Variants in CACNA1B observed in about 807,000 individuals in gnomAD.
CACNA1B encodes the protein voltage-dependent N-type calcium channel subunit alpha-1B.
In CACNA1B, 70 loss-of-function variants were observed where a neutral mutation model predicts 247.2. The ratio of observed to expected loss-of-function variants is 0.28; its 90% CI spans 0.23 to 0.35. The LOEUF (loss-of-function observed/expected upper bound fraction) is 0.35. Among genes scored for constraint, CACNA1B ranks in the 10% least tolerant of loss-of-function variants. CACNA1B has a pLI of 1.00. For missense variants in CACNA1B, 2,367 were observed against 3,197.4 expected (o/e 0.74, Z 6.26); for synonymous variants, 1,231 against 1,294.4 (o/e 0.95, Z 1.05).
chr9:138,011,731 C>T lies in CACNA1B; in HGVS notation c.2161-1398C>T, dbSNP rs1349551076. Among the ~76,000 whole-genome samples, 1 of 152,156 alleles carries T rather than the reference C, an allele frequency of 6.6e-6. No homozygotes were observed. The highest frequency in any genetic ancestry group is 2.4e-5 in the African/African-American group (1 of 41,426). On this transcript the variant is annotated intron_variant, in intron 17 of 46. Transcript: ENST00000371372. This position sits in a 1 kb window ranked among gnomAD's most constrained non-coding sequence, Gnocchi z 4.2. ...CGCTGGGTCTGGCTTTGCCTCCTCTCTGGGCTTGAAGTTCGAAGGTCTCTC... is the reference window on the plus strand; with the variant it reads ...CGCTGGGTCTGGCTTTGCCTCCTCTTTGGGCTTGAAGTTCGAAGGTCTCTC...
intron 20 of CACNA1B, among the ~76,000 whole-genome samples, chr9:138,035,427 C>T (rs1959030390): frequency 6.6e-6 from 1 of 152,276 alleles, no homozygotes; most frequent in East Asian, 1.9e-4. Flanking sequence ...GATCGTGCCA[C>T]TGCACTTCAG....
Position 138,050,020 on chromosome 9 carries a change from G to T in CACNA1B, c.3710+705G>T. 3 of 1,271,248 alleles carry T rather than the reference G, an allele frequency of 2.4e-6. No individual in the cohort carries two copies. The highest frequency in any genetic ancestry group is 3.1e-6 in the Non-Finnish European group (3 of 971,920). 78.7% of individuals were successfully genotyped at this position (1,271,248 alleles called of 1,614,324 possible). ...ATCTCTCTGAGCGGCTGGGAGGGCTGCTCCTGGTGCCACTGACTCTGTTCT... is the reference window on the plus strand; with the variant it reads ...ATCTCTCTGAGCGGCTGGGAGGGCTTCTCCTGGTGCCACTGACTCTGTTCT... On this transcript the variant is annotated intron_variant, in intron 24 of 46. Coordinates refer to ENST00000371372, the MANE Select transcript of CACNA1B (RefSeq NM_000718.4). This position sits in a 1 kb window ranked among gnomAD's most constrained non-coding sequence, Gnocchi z 5.2.
chr9:137,984,395 T>A, intron 13 of CACNA1B, 145 bp downstream of exon 13: 2 of 670,050 alleles, frequency 3.0e-6, no homozygotes, highest in Non-Finnish European at 5.2e-6. Context: ...AAAAGGTGGT[T>A]CCAAAACGGC....
intron 18 of CACNA1B, among the ~76,000 whole-genome samples, chr9:138,015,724 T>A (rs1246323149): frequency 6.6e-6 from 1 of 152,206 alleles, no homozygotes; most frequent in Admixed American, 6.5e-5. Flanking sequence ...AGAACATGCC[T>A]CAGAAGGGCA....
At chr9:138,041,832 G>A (rs1959127147) in intron 20 of CACNA1B, among the ~76,000 whole-genome samples, 1 of 152,162 alleles carries the variant, frequency 6.6e-6, no homozygotes, top group African/African-American at 2.4e-5. Flanking sequence ...GTAGCTCACT[G>A]TAACCTTGAA....
rs1324362568 is a variant in CACNA1B at position 138,023,756 on chromosome 9, G to A, written c.3013G>A (p.Glu1005Lys). 6.5e-6 allele frequency: 10 copies of A among 1,528,714 alleles called. No homozygotes were observed. The East Asian group carries it at 1.5e-4, about 23-fold the overall frequency. The allele number at this position is 1,528,714 out of a possible 1,614,324, so 94.7% of individuals were successfully genotyped here. A position where few individuals can be genotyped will look rare whatever the true frequency, so the allele number is the denominator to read the frequency against. The change falls in exon 19 of 47, where the codon GAG (glutamate) becomes AAG (lysine). Residue 1005 changes from glutamate to lysine, a missense_variant. Transcript: ENST00000371372. ...ETTEKEATEK[E>K]AEIVEADKEK... ...CACGGAGAAGGAGGCCACGGAGAAG[G>A]AGGCTGAGATAGTGGAAGCCGACAA...
At chr9:138,016,764 G>A (rs939336795) in intron 18 of CACNA1B, among the ~76,000 whole-genome samples, 1 of 152,162 alleles carries the variant, frequency 6.6e-6, no homozygotes, top group Non-Finnish European at 1.5e-5. Context: ...TCAGCCTCCC[G>A]CCGCAGGGTG....
Position 138,122,004 on chromosome 9 carries a change from ACCG to A in CACNA1B, c.*6_*8del. The A allele has an allele frequency of 6.3e-7, 1 of 1,593,970 alleles. No individual in the cohort carries two copies. The highest frequency in any genetic ancestry group is 1.1e-5 in the South Asian group (1 of 90,694). The stretch of plus-strand genomic sequence containing the variant: ...GACCAAGACCACTGGTGCTAGCTGC[ACCG>A]TGACCGCTCAGACGCCTGCATGCAG... On this transcript the variant is annotated 3_prime_UTR_variant, in exon 47 of 47. Coordinates refer to ENST00000371372, the MANE Select transcript of CACNA1B (RefSeq NM_000718.4).
In CACNA1B at chr9:138,120,732, C is replaced by A; in HGVS notation, c.6340C>A (p.Arg2114=). Residue 2114 remains arginine (R), a synonymous_variant, in exon 46 of 47, where the codon CGG becomes AGG. Transcript: ENST00000371372. The part of the protein sequence containing the change: ...RRQERGRSQE[R]RQPSSSSSEK... ...GCAGGAGCGGGGCCGGTCCCAGGAG[C>A]GGAGGCAGCCCTCATCCTCCTCCTC... The A allele has an allele frequency of 6.5e-7, 1 of 1,540,196 alleles. No individual in the cohort carries two copies. Among genetic ancestry groups the A allele is most frequent in the Non-Finnish European group, 8.7e-7 (1 of 1,144,762 alleles).
intron 10 of CACNA1B, among the ~76,000 whole-genome samples, chr9:137,958,686 G>C (rs1957977218): frequency 6.6e-6 from 1 of 152,186 alleles, no homozygotes; most frequent in African/African-American, 2.4e-5. Flanking sequence ...CAGATTCCCA[G>C]GAGCAGGTGC....
At chr9:138,099,085 C>T (rs1465629293) in intron 37 of CACNA1B, among the ~76,000 whole-genome samples, 1 of 152,354 alleles carries the variant, frequency 6.6e-6, no homozygotes, top group East Asian at 1.9e-4. Flanking sequence ...GAAACAACAA[C>T]AAAATTTTAT....
intron 12 of CACNA1B, among the ~76,000 whole-genome samples, chr9:137,983,090 C>T (rs921636760): frequency 6.6e-6 from 1 of 152,196 alleles, no homozygotes; most frequent in African/African-American, 2.4e-5. Context: ...TTCGTAAGAG[C>T]ATTGACGTTA....
chr9:138,075,722 G>A, intron 34 of CACNA1B, 97 bp from the exon 35 acceptor site: 1 of 754,962 alleles, frequency 1.3e-6, no homozygotes, highest in Non-Finnish European at 2.3e-6. Context: ...CTCACGTGGG[G>A]TCCTTGTACG....
intron 10 of CACNA1B, among the ~76,000 whole-genome samples, chr9:137,967,021 C>T (rs940156103): frequency 4.0e-5 from 6 of 150,640 alleles, no homozygotes; most frequent in Non-Finnish European, 5.9e-5. Context: ...CTAATGGTAA[C>T]GGGTGAATCC....
At chr9:138,065,765 C>A (rs1959892595) in intron 31 of CACNA1B, among the ~76,000 whole-genome samples, 1 of 152,212 alleles carries the variant, frequency 6.6e-6, no homozygotes, top group African/African-American at 2.4e-5. Context: ...CCATGGTTCA[C>A]CAGCTCTACC....
chr9:138,118,133 G>A lies in CACNA1B; in HGVS notation c.5913+52G>A, dbSNP rs1961937128. ...CTGGGTTGGGGGATGTGTGAACAGG[G>A]ATGGGGGATGTTTGAGACTGGGGTG... On this transcript the variant is annotated intron_variant, in intron 43 of 46. Coordinates refer to ENST00000371372, the MANE Select transcript of CACNA1B (RefSeq NM_000718.4). 3 of 1,127,100 alleles carry A rather than the reference G, an allele frequency of 2.7e-6. No homozygotes were observed. The East Asian group carries it at 1.1e-4, about 40-fold the overall frequency. 69.8% of individuals were successfully genotyped at this position (1,127,100 alleles called of 1,614,324 possible). A position where few individuals can be genotyped will look rare whatever the true frequency, so the allele number is the denominator to read the frequency against.
chr9:137,885,936 C>G (rs1161940961), intron 3 of CACNA1B, among the ~76,000 whole-genome samples: 1 of 151,052 alleles, frequency 6.6e-6, no homozygotes, highest in African/African-American at 2.4e-5. Context: ...GCCTCCAGGC[C>G]CTCAGTTCCC....
intron 39 of CACNA1B, among the ~76,000 whole-genome samples, chr9:138,111,739 C>T (rs1961640701): frequency 6.7e-6 from 1 of 149,838 alleles, no homozygotes; most frequent in Admixed American, 6.6e-5. Context: ...GCCCACCCCT[C>T]CATCCACCCT....
intron 31 of CACNA1B, among the ~76,000 whole-genome samples, chr9:138,062,587 A>G (rs1264956957): frequency 6.6e-6 from 1 of 152,184 alleles, no homozygotes; most frequent in East Asian, 1.9e-4. Flanking sequence ...GGTGACACAC[A>G]CAGCTGCCAC....
Sources: allele counts gnomAD v4.1 joint callset (sites outside exome capture counted in the v4.1 genomes callset), GRCh38; gene constraint gnomAD v4.1.1; non-coding constraint Gnocchi (gnomAD v3.1); transcripts MANE v1.5; gene names NCBI Gene and HGNC (gene_info 2026-07-23, HGNC 2026-07-21).